The following KATNIP variants were observed in gnomAD, a reference collection of about 807,000 sequenced individuals.
KATNIP encodes the protein katanin interacting protein, also known as katanin-interacting protein.
KATNIP carries 126 observed loss-of-function variants against 174.0 expected under a neutral mutation model. That is an observed-to-expected ratio of 0.72 (90% CI 0.63 to 0.84). The LOEUF (loss-of-function observed/expected upper bound fraction) is 0.84, where lower values mean the gene tolerates loss of function less well. KATNIP is among the 40% of genes least tolerant of loss of function. The pLI is 0.00. For synonymous variants in KATNIP, 810 were observed against 835.7 expected (o/e 0.97, Z 0.53); for missense variants, 1,958 against 2,109.7 (o/e 0.93, Z 1.41).
At chr16:27,775,110 A>G (rs1200509429) in intron 24 of KATNIP, 26 bp downstream of exon 24, 2 of 1,605,332 alleles carry the variant, frequency 1.2e-6, no homozygotes, top group South Asian at 2.2e-5. Flanking sequence ...CGGCCACCGC[A>G]GCTCCTGGCC....
intron 8 of KATNIP, among the ~76,000 whole-genome samples, chr16:27,695,986 A>T (rs892380599): frequency 6.6e-6 from 1 of 152,118 alleles, no homozygotes; most frequent in Admixed American, 6.5e-5. Flanking sequence ...CAGATATTTT[A>T]GTATTCTTTT....
chr16:27,771,451 C>T lies in KATNIP; in HGVS notation c.4134-137C>T, dbSNP rs531547393. On this transcript the variant is annotated intron_variant, in intron 21 of 27. Coordinates refer to ENST00000261588, the MANE Select transcript of KATNIP (RefSeq NM_015202.5). ...GGGAACTCCACACGAGCAGGGGCCT[C>T]ATCTCTCTTTTCCCTGCTGCATCCT... 3.2e-4 allele frequency: 228 copies of T among 714,140 alleles called. 1 individual carries two copies. Among genetic ancestry groups the T allele is most frequent in the South Asian group, 2.7e-3 (124 of 46,792 alleles). The allele number at this position is 714,140 out of a possible 1,614,324, so 44.2% of individuals were successfully genotyped here. A position where few individuals can be genotyped will look rare whatever the true frequency, so the allele number is the denominator to read the frequency against.
intron 3 of KATNIP, among the ~76,000 whole-genome samples, chr16:27,627,860 C>T (rs1039634706): frequency 1.3e-5 from 2 of 152,042 alleles, no homozygotes; most frequent in African/African-American, 4.8e-5. Context: ...GTCTGGCGTC[C>T]AATGGAAGCA....
In KATNIP at chr16:27,750,106, T is replaced by A. The variant is rs759356897; in HGVS notation, c.3146T>A (p.Leu1049Gln). 12 of 1,614,104 alleles carry A rather than the reference T, an allele frequency of 7.4e-6. No individual in the cohort carries two copies. The highest frequency in any genetic ancestry group is 9.3e-6 in the Non-Finnish European group (11 of 1,180,050). ...NRTQDDMHVWLAPFTRGRSHS... is the reference protein window; with the variant it reads ...NRTQDDMHVWQAPFTRGRSHS... ...ACCCAGGATGACATGCATGTCTGGC[T>A]GGCCCCCTTCACGCGGGGCAGATCC... The change falls in exon 16 of 28, where the codon CTG (leucine) becomes CAG (glutamine). Residue 1049 changes from leucine (L) to glutamine (Q), a missense_variant. Physicochemically the swap from Leu to Gln is moderately radical, Grantham distance 113 (BLOSUM62 -2). Around this residue, in one of 3 missense-constraint regions of KATNIP, gnomAD observed 1,557 missense variants for 1,617.8 expected, o/e 0.96. Coordinates refer to ENST00000261588, the MANE Select transcript of KATNIP (RefSeq NM_015202.5).
chr16:27,647,194 A>C (rs2076981433), intron 5 of KATNIP, among the ~76,000 whole-genome samples: 1 of 152,178 alleles, frequency 6.6e-6, no homozygotes, highest in African/African-American at 2.4e-5. Flanking sequence ...GAACGATCCA[A>C]AGGATACTAG....
At chr16:27,562,680 T>A (rs576018491) in intron 1 of KATNIP, among the ~76,000 whole-genome samples, 52 of 152,096 alleles carry the variant, frequency 3.4e-4, no homozygotes, top group Non-Finnish European at 6.6e-4. Context: ...AGAGTGGGAA[T>A]GGGTTTAGGA....
chr16:27,581,531 T>TG (rs2141782095), intron 2 of KATNIP, among the ~76,000 whole-genome samples: 1 of 152,334 alleles, frequency 6.6e-6, no homozygotes, highest in East Asian at 1.9e-4. Context: ...ACTTGTCTTG[T>TG]GGGGGTGAGA....
At chr16:27,741,667 C>A (rs901425415) in intron 15 of KATNIP, among the ~76,000 whole-genome samples, 6 of 152,174 alleles carry the variant, frequency 3.9e-5, no homozygotes, top group Non-Finnish European at 7.3e-5. Context: ...CTTTGGGAGG[C>A]CGAGGCGGGC....
At chr16:27,613,702 G>C (rs1045478161) in intron 2 of KATNIP, among the ~76,000 whole-genome samples, 3 of 152,154 alleles carry the variant, frequency 2.0e-5, no homozygotes, top group Non-Finnish European at 2.9e-5. Context: ...ATATGGAAAT[G>C]CTGGGTAAAC....
At chr16:27,568,289 T>C (rs1359371981) in intron 1 of KATNIP, among the ~76,000 whole-genome samples, 1 of 152,250 alleles carries the variant, frequency 6.6e-6, no homozygotes, top group Admixed American at 6.5e-5. Context: ...TTATTTCTGA[T>C]ATTTGCTATT....
chr16:27,572,394 C>CACACACAT (rs1307463837), intron 1 of KATNIP, among the ~76,000 whole-genome samples: 2 of 151,720 alleles, frequency 1.3e-5, no homozygotes, highest in African/African-American at 4.8e-5. Context: ...CACACACACA[C>CACACACAT]ACACAATGAA....
chr16:27,642,063 T>C (rs1166954647), intron 5 of KATNIP, among the ~76,000 whole-genome samples: 1 of 152,204 alleles, frequency 6.6e-6, no homozygotes, highest in African/African-American at 2.4e-5. Flanking sequence ...AGGAGCATGC[T>C]CTCCTGGGAG....
At chr16:27,721,073 C>T (rs75656072) in intron 13 of KATNIP, among the ~76,000 whole-genome samples, 1,765 of 152,296 alleles carry the variant, frequency 0.012, 46 homozygotes, top group African/African-American at 0.04. Context: ...GGGCTCAGTG[C>T]CCTGGCCCTG....
intron 3 of KATNIP, among the ~76,000 whole-genome samples, chr16:27,618,995 A>C (rs1023604821): frequency 1.3e-5 from 2 of 152,258 alleles, no homozygotes; most frequent in Non-Finnish European, 2.9e-5. Flanking sequence ...AAAAGCTTGC[A>C]GTAGGTCCAG....
chr16:27,769,838 A>G, intron 20 of KATNIP, 23 bp from the exon 21 acceptor site: 1 of 1,609,904 alleles, frequency 6.2e-7, no homozygotes, highest in Non-Finnish European at 8.5e-7. Flanking sequence ...CCCTTCAGTC[A>G]TGTTATTTCT....
At chr16:27,557,094 C>T (rs944574246) in intron 1 of KATNIP, among the ~76,000 whole-genome samples, 2 of 150,976 alleles carry the variant, frequency 1.3e-5, no homozygotes, top group African/African-American at 2.4e-5. Flanking sequence ...CAGGTGAAGG[C>T]GATATGGGAA....
intron 6 of KATNIP, among the ~76,000 whole-genome samples, chr16:27,675,091 A>C (rs568215153): frequency 6.6e-6 from 1 of 152,320 alleles, no homozygotes; most frequent in East Asian, 1.9e-4. Context: ...GTCTGTTCTC[A>C]CACTGCTAAT....
rs960007727 is a variant in KATNIP, at chr16:27,632,871, C to T, written c.408+1709C>T. The stretch of plus-strand genomic sequence containing the variant: ...TTTCAAGCGATTTTCCTGCCTCAGC[C>T]TCCCAAGTAGCTGGGATTACAGGTG... On this transcript the variant is annotated intron_variant, in intron 5 of 27. Coordinates refer to ENST00000261588, the MANE Select transcript of KATNIP (RefSeq NM_015202.5). Among the ~76,000 whole-genome samples the T allele has an allele frequency of 5.3e-5, 8 of 152,198 alleles. No individual in the cohort carries two copies. The East Asian group carries it at 7.7e-4, about 15-fold the overall frequency.
At chr16:27,632,103 A>G (rs1222717999) in intron 5 of KATNIP, among the ~76,000 whole-genome samples, 4 of 152,240 alleles carry the variant, frequency 2.6e-5, no homozygotes, top group South Asian at 4.1e-4. Context: ...CTTTTGCCCC[A>G]AATTCTGTGT....
Sources: allele counts gnomAD v4.1 joint callset (sites outside exome capture counted in the v4.1 genomes callset), GRCh38; gene constraint gnomAD v4.1.1; regional missense constraint gnomAD v4.1.1; transcripts MANE v1.5; gene names NCBI Gene and HGNC (gene_info 2026-07-23, HGNC 2026-07-21).